The following CDC7 variants were observed in gnomAD, a reference collection of about 807,000 sequenced individuals.
CDC7 encodes cell division cycle 7-related protein kinase.
Under a neutral mutation model 53.5 loss-of-function variants are expected in CDC7, and 34 were observed. The observed-to-expected ratio is 0.64, with a 90% CI of 0.48 to 0.85. The LOEUF is 0.85. CDC7 is among the 40% of genes least tolerant of loss of function. The pLI, the probability that CDC7 is intolerant of heterozygous loss-of-function variation, is 0.00. For missense variants in CDC7, 594 were observed against 679.7 expected (o/e 0.87, Z 1.40); for synonymous variants, 211 against 222.8 (o/e 0.95, Z 0.47).
intron 7 of CDC7, 26 bp downstream of exon 7, chr1:91,513,333 A>T (rs767616981): frequency 6.3e-7 from 1 of 1,595,100 alleles, no homozygotes; most frequent in Non-Finnish European, 8.6e-7. Flanking sequence ...TTTCTTAAGT[A>T]CCGACACTGT....
chr1:91,515,354 T>TATA (rs1667504536), intron 9 of CDC7, among the ~76,000 whole-genome samples: 1 of 152,180 alleles, frequency 6.6e-6, no homozygotes, highest in South Asian at 2.1e-4. Context: ...GCTCCTCTTT[T>TATA]ACTCCCACCT....
chr1:91,508,178 A>G (rs1266148063), intron 3 of CDC7, 84 bp from the exon 4 acceptor site: 3 of 1,096,112 alleles, frequency 2.7e-6, no homozygotes, highest in Non-Finnish European at 3.9e-6. Context: ...TGCCATTGAA[A>G]CAGTTTTTAC....
Position 91,512,136 on chromosome 1 carries a change from A to G in CDC7, c.572+213A>G, listed in dbSNP as rs374339794. 1.3e-4 allele frequency among the ~76,000 whole-genome samples: 20 copies of G among 152,196 alleles called. No homozygotes were observed. In the East Asian group the frequency reaches 3.7e-3, roughly 28 times the overall value. On this transcript the variant is annotated intron_variant, in intron 6 of 11. Transcript: ENST00000234626. The stretch of plus-strand genomic sequence containing the variant: ...TTAGTATGAATCTCATATACAGTAC[A>G]GTTTTATTACCTGTAATCTTCAGAG...
rs548793391 is a variant in CDC7, at chr1:91,522,705, G to C, written c.1331-1336G>C. Among the ~76,000 whole-genome samples the C allele has an allele frequency of 6.6e-5, 10 of 152,252 alleles. 1 individual carries two copies. In the South Asian group the frequency reaches 2.1e-3, roughly 32 times the overall value. Reference sequence around the variant, plus strand: ...CCCCCTGGCTATAATTTTCTAGAGAGAATAGGAATGATAGAATCAGTTTAA... The same window carrying C: ...CCCCCTGGCTATAATTTTCTAGAGACAATAGGAATGATAGAATCAGTTTAA... On this transcript the variant is annotated intron_variant, in intron 11 of 11. Coordinates refer to ENST00000234626, the MANE Select transcript of CDC7 (RefSeq NM_003503.4).
intron 10 of CDC7, among the ~76,000 whole-genome samples, chr1:91,516,823 C>T (rs745797355): frequency 2.0e-5 from 3 of 152,052 alleles, no homozygotes; most frequent in African/African-American, 4.8e-5. Flanking sequence ...CCAGCACTTT[C>T]GGAGGCTGAG....
intron 11 of CDC7, among the ~76,000 whole-genome samples, chr1:91,522,523 T>G (rs1193515754): frequency 1.3e-5 from 2 of 152,230 alleles, no homozygotes; most frequent in Non-Finnish European, 2.9e-5. Context: ...ATAGTGTTAC[T>G]TGAAGTTATT....
chr1:91,510,314 A>G (rs150575183), intron 4 of CDC7, among the ~76,000 whole-genome samples: 83 of 151,638 alleles, frequency 5.5e-4, no homozygotes, highest in African/African-American at 2.0e-3. Context: ...GCATCTTTAG[A>G]TTTCTTTCAA....
Position 91,525,712 on chromosome 1 carries a change from T to C in CDC7, c.*1277T>C, listed in dbSNP as rs970676180. ...CTTATGCCATAATCTTAAAAAAAAT[T>C]TGAATGCTCTTGAATTTGTATATTC... is the stretch of plus-strand genomic sequence containing the variant. On this transcript the variant is annotated 3_prime_UTR_variant, in exon 12 of 12. Transcript: ENST00000234626. The C allele has an allele frequency of 7.1e-6, 1 of 140,574 alleles. No homozygotes were observed. The highest frequency in any genetic ancestry group is 2.7e-5 in the African/African-American group (1 of 37,436). 8.7% of individuals were successfully genotyped at this position (140,574 alleles called of 1,614,324 possible).
At position 91,524,275 on chromosome 1, in the gene CDC7, A is replaced by G; in HGVS notation, c.1565A>G (p.Glu522Gly). The change falls in exon 12 of 12, where the codon GAG becomes GGG. Residue 522 changes from glutamate to glycine, a missense_variant. Physicochemically the swap from Glu to Gly is moderately conservative, Grantham distance 98 (BLOSUM62 -2). Coordinates refer to ENST00000234626, the MANE Select transcript of CDC7 (RefSeq NM_003503.4). ...SFKKGDSNSC[E>G]HCFDEYNTNL... is the part of the protein sequence containing the mutation. Reference sequence around the variant, plus strand: ...AAAAAGGGGGATAGTAATAGCTGTGAGCATTGTTTTGATGAGTATAATACC... The same window carrying G: ...AAAAAGGGGGATAGTAATAGCTGTGGGCATTGTTTTGATGAGTATAATACC... 1 of 1,614,140 alleles carries G rather than the reference A, an allele frequency of 6.2e-7. No individual in the cohort carries two copies. The highest frequency in any genetic ancestry group is 8.5e-7 in the Non-Finnish European group (1 of 1,179,980).
intron 10 of CDC7, among the ~76,000 whole-genome samples, chr1:91,516,627 A>G (rs1247450291): frequency 6.6e-6 from 1 of 152,220 alleles, no homozygotes; most frequent in Non-Finnish European, 1.5e-5. Context: ...AGGGTATTTA[A>G]GGAGTATCTA....
At chr1:91,515,591 C>A (rs1285853812) in intron 9 of CDC7, among the ~76,000 whole-genome samples, 1 of 151,856 alleles carries the variant, frequency 6.6e-6, no homozygotes, top group Non-Finnish European at 1.5e-5. Flanking sequence ...TGGAGTAAGT[C>A]CGGGGAACTA....
chr1:91,523,956 C>A, intron 11 of CDC7, 85 bp from the exon 12 acceptor site: 1 of 1,006,304 alleles, frequency 9.9e-7, no homozygotes, highest in Non-Finnish European at 1.4e-6. Flanking sequence ...TTTGAACTTT[C>A]ATGTTTCTCA....
At chr1:91,515,436 T>A (rs1667508124) in intron 9 of CDC7, among the ~76,000 whole-genome samples, 1 of 152,194 alleles carries the variant, frequency 6.6e-6, no homozygotes, top group Non-Finnish European at 1.5e-5. Flanking sequence ...CTTGATTAAC[T>A]CAAATATATA....
chr1:91,522,676 A>G (rs1173400845), intron 11 of CDC7, among the ~76,000 whole-genome samples: 1 of 152,202 alleles, frequency 6.6e-6, no homozygotes, highest in African/African-American at 2.4e-5. Flanking sequence ...CTATATGAAT[A>G]TTCCCCCCTG....
At chr1:91,503,394 C>T (rs555924010) in intron 2 of CDC7, among the ~76,000 whole-genome samples, 1 of 152,230 alleles carries the variant, frequency 6.6e-6, no homozygotes, top group South Asian at 2.1e-4. Flanking sequence ...AGGCACATAA[C>T]AGTCTAGTAA....
chr1:91,501,384 C>G (rs751860057), intron 1 of CDC7: 40 of 263,760 alleles, frequency 1.5e-4, no homozygotes, highest in Middle Eastern at 2.4e-3. Context: ...GCTGGCTGTG[C>G]CGGACTGGCA....
rs755854755 is a variant in CDC7 at position 91,511,876 on chromosome 1, C to T, written c.525C>T (p.His175=). The T allele has an allele frequency of 9.4e-6, 15 of 1,598,040 alleles. No homozygotes were observed. Among genetic ancestry groups the T allele is most frequent in the Admixed American group, 3.3e-5 (2 of 59,744 alleles). Residue 175 remains histidine (H), a synonymous_variant, in exon 6 of 12, where the codon CAC becomes CAT. Coordinates refer to ENST00000234626, the MANE Select transcript of CDC7 (RefSeq NM_003503.4). The part of the protein sequence containing the change: ...LKRIHQFGIV[H]RDVKPSNFLY... ...GCATTCATCAGTTTGGTATTGTTCA[C>T]CGTGATGTTAAGCCCAGCAATTTTT...
chr1:91,507,008 A>G (rs1216276974), intron 2 of CDC7, among the ~76,000 whole-genome samples: 1 of 152,190 alleles, frequency 6.6e-6, no homozygotes, highest in Non-Finnish European at 1.5e-5. Context: ...GAAATTGGGC[A>G]AATGATTTAA....
chr1:91,514,111 T>A, intron 8 of CDC7, 68 bp downstream of exon 8: 2 of 959,818 alleles, frequency 2.1e-6, no homozygotes, highest in Non-Finnish European at 3.1e-6. Context: ...AGGTAATAAC[T>A]AGATTAACAT....
Sources: allele counts gnomAD v4.1 joint callset (sites outside exome capture counted in the v4.1 genomes callset), GRCh38; gene constraint gnomAD v4.1.1; transcripts MANE v1.5; gene names NCBI Gene and HGNC (gene_info 2026-07-23, HGNC 2026-07-21).